CALN1: variants seen among roughly 807,000 people sequenced by gnomAD.
The protein encoded by CALN1 is calneuron 1.
CALN1 carries 17 observed loss-of-function variants against 30.6 expected under a neutral mutation model. The ratio of observed to expected loss-of-function variants is 0.56; its 90% confidence interval spans 0.38 to 0.83. The LOEUF (loss-of-function observed/expected upper bound fraction) is 0.83. Ranked by LOEUF, CALN1 falls within the 40% of genes least tolerant of loss-of-function variation. The pLI is 0.00. For synonymous variants in CALN1, 156 were observed against 131.4 expected, an observed-to-expected ratio of 1.19 and a Z score of -1.28; for missense variants, 291 against 354.9, an observed-to-expected ratio of 0.82 and a Z score of 1.45.
the CALN1 span, among the ~76,000 whole-genome samples, chr7:72,501,128 T>C: frequency 1.6e-4 from 25 of 152,094 alleles, 1 homozygote; most frequent in East Asian, 2.7e-3. Context: ...ATCAGGAGAA[T>C]GGGTAGAAAG....
the CALN1 span, among the ~76,000 whole-genome samples, chr7:72,502,183 C>T: frequency 6.7e-6 from 1 of 148,950 alleles, no homozygotes; most frequent in South Asian, 2.1e-4. Context: ...AACCTTAAAA[C>T]CTTAGGAGGG....
At chr7:72,088,919 TGAA>T (rs1805668592) in intron 4 of CALN1, among the ~76,000 whole-genome samples, 1 of 152,078 alleles carries the variant, frequency 6.6e-6, no homozygotes, top group Non-Finnish European at 1.5e-5. Context: ...GATTAATGCT[TGAA>T]GTAGACTTCC....
chr7:72,319,190 G>A (rs1297357394), intron 2 of CALN1, among the ~76,000 whole-genome samples: 5 of 152,186 alleles, frequency 3.3e-5, no homozygotes, highest in African/African-American at 9.7e-5. Context: ...TATATATTCT[G>A]TATTATTTCG....
intron 5 of CALN1, among the ~76,000 whole-genome samples, chr7:71,819,351 G>A (rs932648465): frequency 1.3e-5 from 2 of 151,874 alleles, no homozygotes; most frequent in Non-Finnish European, 2.9e-5. Flanking sequence ...TGAGATTACA[G>A]GCATCTGCCA....
chr7:72,233,868 G>C (rs941536896), intron 3 of CALN1, among the ~76,000 whole-genome samples: 4 of 152,078 alleles, frequency 2.6e-5, no homozygotes, highest in African/African-American at 4.8e-5. Flanking sequence ...GCCAGGCACA[G>C]TGGTGCACAC....
At chr7:72,327,989 T>G (rs1169053080) in intron 2 of CALN1, among the ~76,000 whole-genome samples, 4 of 152,182 alleles carry the variant, frequency 2.6e-5, no homozygotes, top group Non-Finnish European at 5.9e-5. Context: ...TGTATGTATT[T>G]GAAATGCATA....
At chr7:71,805,674 T>C (rs890711555) in intron 6 of CALN1, among the ~76,000 whole-genome samples, 2 of 149,372 alleles carry the variant, frequency 1.3e-5, no homozygotes, top group Non-Finnish European at 3.0e-5. Flanking sequence ...TTTTCCAACT[T>C]GCTTCCTCAT....
At chr7:72,033,125 G>A (rs1412538239) in intron 4 of CALN1, among the ~76,000 whole-genome samples, 2 of 151,308 alleles carry the variant, frequency 1.3e-5, no homozygotes, top group East Asian at 3.9e-4. Flanking sequence ...AGCACAGAAA[G>A]CTAGCCTGCC....
intron 2 of CALN1, chr7:72,337,474 C>G (rs1045165274): frequency 1.1e-4 from 19 of 177,140 alleles, no homozygotes; most frequent in Non-Finnish European, 2.1e-4. Context: ...CAGGCAGACA[C>G]GCGGGGGGCG....
rs60838093 is a variant in CALN1, at chr7:72,057,383, CTTTTTTT to C, written c.389-33621_389-33615del. On this transcript the variant is annotated intron_variant, in intron 4 of 6. Transcript: ENST00000395275. The stretch of plus-strand genomic sequence containing the variant: ...GATAAAAAGTTCCTTTTTAAATGTT[CTTTTTTT>C]TTTTTTTTTTTTTTGATTCAGTAAT... 2.8e-3 allele frequency among the ~76,000 whole-genome samples: 281 copies of C among 101,892 alleles called. 1 individual carries two copies. Among genetic ancestry groups the C allele is most frequent in the Non-Finnish European group, 4.2e-3 (214 of 51,548 alleles). The allele number at this position is 101,892 out of a possible 152,430, so 66.8% of individuals were successfully genotyped here. A position where few individuals can be genotyped will look rare whatever the true frequency, so the allele number is the denominator to read the frequency against.
intron 5 of CALN1, among the ~76,000 whole-genome samples, chr7:71,822,719 AT>A (rs1788667189): frequency 6.6e-6 from 1 of 152,192 alleles, no homozygotes; most frequent in African/African-American, 2.4e-5. Context: ...TTTTTCTTGT[AT>A]GTAATAAGAT....
At chr7:71,897,267 G>A (rs1276060227) in intron 5 of CALN1, among the ~76,000 whole-genome samples, 3 of 152,154 alleles carry the variant, frequency 2.0e-5, no homozygotes, top group East Asian at 3.9e-4. Flanking sequence ...GTATTTTAGT[G>A]AGAATTTGGG....
chr7:72,331,063 C>T (rs1460551573), intron 2 of CALN1, among the ~76,000 whole-genome samples: 1 of 152,142 alleles, frequency 6.6e-6, no homozygotes, highest in Non-Finnish European at 1.5e-5. Flanking sequence ...AAAACAATCT[C>T]TCCTGGCCGG....
At chr7:72,301,847 C>T (rs1245135021) in intron 2 of CALN1, among the ~76,000 whole-genome samples, 1 of 152,104 alleles carries the variant, frequency 6.6e-6, no homozygotes, top group Admixed American at 6.5e-5. Flanking sequence ...CCTCTTATCA[C>T]AGCCCATCAC....
At chr7:72,184,674 C>T (rs751129966) in intron 3 of CALN1, among the ~76,000 whole-genome samples, 1 of 152,112 alleles carries the variant, frequency 6.6e-6, no homozygotes, top group Non-Finnish European at 1.5e-5. Flanking sequence ...CTTTAATGTT[C>T]CATTTTGCAG....
At chr7:72,494,691 T>A in the CALN1 span, among the ~76,000 whole-genome samples, 2 of 145,206 alleles carry the variant, frequency 1.4e-5, no homozygotes, top group African/African-American at 5.2e-5. Context: ...AGACCCCATC[T>A]CTACAAAAAA....
chr7:72,066,420 A>G lies in CALN1; in HGVS notation c.388+39731T>C, dbSNP rs148387436. On this transcript the variant is annotated intron_variant, in intron 4 of 6. Transcript: ENST00000395275. Reference sequence around the variant, plus strand: ...AACCACACACATACCAAATTCGTCAATGTAAACTTGTCAAATGCTTTGGTG... The same window carrying G: ...AACCACACACATACCAAATTCGTCAGTGTAAACTTGTCAAATGCTTTGGTG... Among the ~76,000 whole-genome samples, 199 of 152,304 alleles carry G rather than the reference A, an allele frequency of 1.3e-3. 2 individuals are homozygous for G. The highest frequency in any genetic ancestry group is 1.4e-3 in the South Asian group (7 of 4,828).
intron 5 of CALN1, among the ~76,000 whole-genome samples, chr7:71,972,461 T>G (rs1290203532): frequency 6.6e-6 from 1 of 152,180 alleles, no homozygotes; most frequent in Non-Finnish European, 1.5e-5. Flanking sequence ...TACCTTCTCT[T>G]TTATGTTCAT....
the CALN1 span, among the ~76,000 whole-genome samples, chr7:72,457,414 C>G: frequency 2.6e-5 from 4 of 152,170 alleles, no homozygotes; most frequent in Non-Finnish European, 5.9e-5. Flanking sequence ...AGTACATGGT[C>G]TCCAGCTACA....
Sources: gnomAD v4.1 joint callset for allele counts (sites outside exome capture counted in the v4.1 genomes callset) on GRCh38, gnomAD v4.1.1 for gene constraint, MANE v1.5 for transcripts, NCBI Gene and HGNC (gene_info 2026-07-23, HGNC 2026-07-21) for gene names.